The following KANSL1 variants were observed in gnomAD, a reference collection of about 807,000 sequenced individuals.
KANSL1 encodes KAT8 regulatory NSL complex subunit 1, also known as MLL1/MLL complex subunit KANSL1.
Under a neutral mutation model 103.6 loss-of-function variants are expected in KANSL1, and 22 were observed. That is an observed-to-expected ratio of 0.21 (90% CI 0.15 to 0.30). The LOEUF is 0.30. Ranked by LOEUF, KANSL1 falls within the 10% of genes least tolerant of loss-of-function variation. The pLI is 1.00. For missense variants in KANSL1, 1,337 were observed against 1,399.8 expected (o/e 0.96, Z 0.72); for synonymous variants, 600 against 527.6 (o/e 1.14, Z -1.88).
At chr17:46,059,704 A>G (rs41384744) in intron 6 of KANSL1, among the ~76,000 whole-genome samples, 21,600 of 150,266 alleles carry the variant, frequency 0.14, 2,125 homozygotes, top group Middle Eastern at 0.22. Context: ...AGCTGGAACT[A>G]AGAGAGAGAA....
At chr17:46,083,339 A>G (rs545491087) in intron 3 of KANSL1, among the ~76,000 whole-genome samples, 1 of 152,310 alleles carries the variant, frequency 6.6e-6, no homozygotes, top group Admixed American at 6.5e-5. Flanking sequence ...AAAGACTGGG[A>G]TGCAAGTGAT....
chr17:46,129,998 C>A (rs1009401086), intron 2 of KANSL1, among the ~76,000 whole-genome samples: 1 of 151,908 alleles, frequency 6.6e-6, no homozygotes, highest in Non-Finnish European at 1.5e-5. Context: ...CCAGCCCGGG[C>A]AACATGGTGA....
upstream of KANSL1, among the ~76,000 whole-genome samples, chr17:46,194,440 T>TCA (rs1169752281): frequency 6.6e-6 from 1 of 152,256 alleles, no homozygotes; most frequent in Non-Finnish European, 1.5e-5. Flanking sequence ...GACCAGTTTA[T>TCA]CAGTACAGAA....
chr17:46,184,152 T>C (rs946551551), intron 1 of KANSL1, among the ~76,000 whole-genome samples: 1 of 152,198 alleles, frequency 6.6e-6, no homozygotes, highest in African/African-American at 2.4e-5. Context: ...AAATTAGGTG[T>C]GAAGGTAGCC....
intron 2 of KANSL1, among the ~76,000 whole-genome samples, chr17:46,141,064 T>C (rs2044395129): frequency 6.6e-6 from 1 of 151,218 alleles, no homozygotes; most frequent in Non-Finnish European, 1.5e-5. Flanking sequence ...TGATTGATCC[T>C]GTTTGTTTAA....
chr17:46,205,878 G>A lies in KANSL1; in HGVS notation c.-90+17793C>T, dbSNP rs117171946. Among the ~76,000 whole-genome samples the A allele has an allele frequency of 2.8e-3, 422 of 152,082 alleles. 4 individuals carry two copies. Among genetic ancestry groups the A allele is most frequent in the Non-Finnish European group, 3.4e-3 (233 of 67,978 alleles). On this transcript the variant is annotated intron_variant, in intron 1 of 14. Transcript: ENST00000572904. ...GGGCTGCTTGAGCGCAGAAGTTCAG[G>A]ATCAGACTAGGCAACATGGCAAGAA...
At chr17:46,119,587 G>A (rs976564547) in intron 2 of KANSL1, among the ~76,000 whole-genome samples, 4 of 152,168 alleles carry the variant, frequency 2.6e-5, no homozygotes, top group Admixed American at 6.5e-5. Context: ...GGATACAGGC[G>A]TGAGCCACCA....
At chr17:46,129,793 T>C (rs985786360) in intron 2 of KANSL1, among the ~76,000 whole-genome samples, 4 of 151,692 alleles carry the variant, frequency 2.6e-5, no homozygotes, top group Non-Finnish European at 4.4e-5. Flanking sequence ...TGGGAGAGGG[T>C]AGGGGTGGGG....
intron 4 of KANSL1, among the ~76,000 whole-genome samples, chr17:46,072,727 G>A (rs999729361): frequency 6.6e-6 from 1 of 152,148 alleles, no homozygotes; most frequent in African/African-American, 2.4e-5. Context: ...TTCTGCCTAT[G>A]TGGGGCTATG....
chr17:46,050,857 T>C (rs963390774), intron 6 of KANSL1, among the ~76,000 whole-genome samples, 153 bp from the exon 7 acceptor site: 3 of 152,226 alleles, frequency 2.0e-5, no homozygotes, highest in Admixed American at 1.3e-4. Context: ...AAAAGGATGT[T>C]TGATTAGTTT....
chr17:46,108,973 G>C (rs1267435615), intron 2 of KANSL1, among the ~76,000 whole-genome samples: 1 of 152,124 alleles, frequency 6.6e-6, no homozygotes, highest in African/African-American at 2.4e-5. Flanking sequence ...TTTGGAGATA[G>C]GATCTTGCAC....
At chr17:46,047,810 AAAAAAAAAC>A (rs1568384774) in intron 7 of KANSL1, among the ~76,000 whole-genome samples, 1 of 135,530 alleles carries the variant, frequency 7.4e-6, no homozygotes, top group Admixed American at 7.0e-5. Flanking sequence ...ATTAAAAAAA[AAAAAAAAAC>A]AAAAAAAAAA....
chr17:46,044,331 C>T (rs557286122), intron 7 of KANSL1: 65 of 152,296 alleles, frequency 4.3e-4, no homozygotes, highest in African/African-American at 1.5e-3. Flanking sequence ...TGAGAAGACC[C>T]TGACTTCAGG....
At chr17:46,084,296 C>T (rs1022474220) in intron 3 of KANSL1, among the ~76,000 whole-genome samples, 1 of 152,068 alleles carries the variant, frequency 6.6e-6, no homozygotes, top group Non-Finnish European at 1.5e-5. Context: ...GAAGGAGAAT[C>T]GCTTGAACTC....
At chr17:46,111,840 T>G (rs1019286583) in intron 2 of KANSL1, among the ~76,000 whole-genome samples, 5 of 152,306 alleles carry the variant, frequency 3.3e-5, no homozygotes, top group Admixed American at 2.0e-4. Flanking sequence ...ATCACTGCAT[T>G]GGGAGGCATT....
intron 7 of KANSL1, chr17:46,042,230 A>T (rs1177465284): frequency 1.3e-5 from 2 of 152,150 alleles, no homozygotes; most frequent in Non-Finnish European, 2.9e-5. Flanking sequence ...CTAAAAGCTT[A>T]TGGGGTTTTG....
intron 6 of KANSL1, among the ~76,000 whole-genome samples, chr17:46,058,018 G>T (rs1174633117): frequency 6.6e-6 from 1 of 152,166 alleles, no homozygotes; most frequent in African/African-American, 2.4e-5. Context: ...TAGACTGCAG[G>T]GCAGGGAGAG....
At chr17:46,174,841 T>G (rs993964584) in intron 1 of KANSL1, among the ~76,000 whole-genome samples, 2 of 152,214 alleles carry the variant, frequency 1.3e-5, no homozygotes, top group Non-Finnish European at 2.9e-5. Flanking sequence ...GCCCGGCTAA[T>G]TTTTTGAATT....
chr17:46,142,658 C>T (rs1004924809), intron 2 of KANSL1, among the ~76,000 whole-genome samples: 3 of 152,212 alleles, frequency 2.0e-5, no homozygotes, highest in African/African-American at 7.2e-5. Flanking sequence ...GAATGTTCAA[C>T]TTCACTAATA....
Sources: allele counts gnomAD v4.1 joint callset (sites outside exome capture counted in the v4.1 genomes callset), GRCh38; gene constraint gnomAD v4.1.1; transcripts MANE v1.5; gene names NCBI Gene and HGNC (gene_info 2026-07-23, HGNC 2026-07-21).